Variants in UVRAG observed in about 807,000 individuals in gnomAD.
The protein encoded by UVRAG is UV radiation resistance associated, also known as UV radiation resistance-associated gene protein.
In UVRAG, 19 loss-of-function variants were observed where a neutral mutation model predicts 78.0. The ratio of observed to expected loss-of-function variants is 0.24; its 90% CI spans 0.17 to 0.36. UVRAG has a LOEUF of 0.36. UVRAG is among the 10% of genes least tolerant of loss of function. The pLI is 1.00. For synonymous variants in UVRAG, 323 were observed against 324.6 expected (o/e 1.00, Z 0.05); for missense variants, 740 against 853.8 (o/e 0.87, Z 1.66).
intron 13 of UVRAG, among the ~76,000 whole-genome samples, chr11:76,106,604 G>T (rs528935291): frequency 5.3e-5 from 8 of 152,200 alleles, no homozygotes; most frequent in Non-Finnish European, 1.2e-4. Context: ...CTGACCTTAG[G>T]TGATCCACCT....
chr11:75,982,641 C>T (rs550089544), intron 7 of UVRAG, among the ~76,000 whole-genome samples: 8 of 152,256 alleles, frequency 5.3e-5, no homozygotes. Context: ...GCTTGGCCTT[C>T]TTTGAAACGG....
At chr11:75,975,993 GGCTGTGGGTTTGTC>G (rs1949230221) in intron 7 of UVRAG, among the ~76,000 whole-genome samples, 1 of 152,136 alleles carries the variant, frequency 6.6e-6, no homozygotes, top group African/African-American at 2.4e-5. Flanking sequence ...GTATGATATT[GGCTGTGGGTTTGTC>G]ATAAATAGCT....
At chr11:76,019,500 G>T (rs897466643) in intron 12 of UVRAG, among the ~76,000 whole-genome samples, 2 of 152,202 alleles carry the variant, frequency 1.3e-5, no homozygotes, top group African/African-American at 4.8e-5. Flanking sequence ...AGGCTTTCCA[G>T]GTTTTTGAAA....
Position 76,123,191 on chromosome 11 carries a change from TC to T in UVRAG, c.1397+7178del, listed in dbSNP as rs751550312. Among the ~76,000 whole-genome samples, 4 of 152,218 alleles carry T rather than the reference TC, an allele frequency of 2.6e-5. No homozygotes were observed. The South Asian group carries it at 8.3e-4, about 32-fold the overall frequency. On this transcript the variant is annotated intron_variant, in intron 14 of 14. Transcript: ENST00000356136. ...ACCTCTATTCTAGTGCCTCCTACCT[TC>T]CTCAGGGAAACCCACCAGAGTCAAA...
At chr11:76,065,824 A>G (rs779785577) in intron 13 of UVRAG, 36 bp downstream of exon 13, 3 of 1,590,664 alleles carry the variant, frequency 1.9e-6, no homozygotes, top group East Asian at 2.2e-5. Context: ...CCTACTTCCC[A>G]TGCACAGCCT....
At chr11:76,051,645 G>A (rs1248022009) in intron 12 of UVRAG, among the ~76,000 whole-genome samples, 1 of 151,898 alleles carries the variant, frequency 6.6e-6, no homozygotes, top group Non-Finnish European at 1.5e-5. Flanking sequence ...TCTTTTTTTA[G>A]TATAGCTCTG....
At chr11:75,983,646 G>A in intron 8 of UVRAG, 133 bp downstream of exon 8, 1 of 1,213,276 alleles carries the variant, frequency 8.2e-7, no homozygotes, top group Non-Finnish European at 1.1e-6. Flanking sequence ...GATATATTCT[G>A]GAAATGCATC....
intron 4 of UVRAG, 68 bp from the exon 5 acceptor site, chr11:75,888,761 A>G: frequency 7.4e-7 from 1 of 1,348,294 alleles, no homozygotes; most frequent in South Asian, 1.3e-5. Context: ...TGTAACTGTC[A>G]TTCTCTGGTT....
intron 1 of UVRAG, among the ~76,000 whole-genome samples, chr11:75,817,888 A>C (rs903888123): frequency 6.8e-6 from 1 of 146,716 alleles, no homozygotes; most frequent in Non-Finnish European, 1.5e-5. Context: ...TACTAAAAGT[A>C]CAAAAAAAAG....
At chr11:75,883,260 T>C (rs889622748) in intron 4 of UVRAG, among the ~76,000 whole-genome samples, 2 of 151,710 alleles carry the variant, frequency 1.3e-5, no homozygotes, top group Non-Finnish European at 2.9e-5. Flanking sequence ...CCTTCGGTGG[T>C]GGTCTTGTTG....
chr11:75,899,687 C>T (rs369647491), intron 5 of UVRAG, among the ~76,000 whole-genome samples: 4 of 152,216 alleles, frequency 2.6e-5, no homozygotes, highest in East Asian at 1.9e-4. Flanking sequence ...TTCACATTAA[C>T]CAGCACAAAG....
Position 75,898,691 on chromosome 11 carries a change from T to G in UVRAG, c.507+9788T>G, listed in dbSNP as rs1947410626. Among the ~76,000 whole-genome samples, 3 of 152,214 alleles carry G rather than the reference T, an allele frequency of 2.0e-5. No homozygotes were observed. In the South Asian group the frequency reaches 6.2e-4, roughly 32 times the overall value. On this transcript the variant is annotated intron_variant, in intron 5 of 14. Transcript: ENST00000356136. ...TAATTTTTGTTTGAGGTTTCTTCCATCATTTAATTTCACTGTGATTATATA... is the reference window on the plus strand; with the variant it reads ...TAATTTTTGTTTGAGGTTTCTTCCAGCATTTAATTTCACTGTGATTATATA...
At chr11:75,837,928 G>C (rs1267541504) in intron 1 of UVRAG, among the ~76,000 whole-genome samples, 1 of 152,132 alleles carries the variant, frequency 6.6e-6, no homozygotes, top group Non-Finnish European at 1.5e-5. Context: ...AAGCAGGAGG[G>C]TTGCTTGAGC....
In UVRAG at chr11:76,065,792, A is replaced by G. The variant is rs1384140947; in HGVS notation, c.1305+4A>G. On this transcript the variant is annotated splice_donor_region_variant and intron_variant, in intron 13 of 14. Coordinates refer to ENST00000356136, the MANE Select transcript of UVRAG (RefSeq NM_003369.4). ...TCTGAACAAAAATATAGCACAGGTAAGTCTCTGTTCTTCACTTCTCTCCTA... is the reference window on the plus strand; with the variant it reads ...TCTGAACAAAAATATAGCACAGGTAGGTCTCTGTTCTTCACTTCTCTCCTA... 1.9e-6 allele frequency: 3 copies of G among 1,613,126 alleles called. No homozygotes were observed. The highest frequency in any genetic ancestry group is 2.5e-6 in the Non-Finnish European group (3 of 1,179,396).
chr11:75,847,841 T>C (rs185622983), intron 1 of UVRAG, among the ~76,000 whole-genome samples: 56 of 151,662 alleles, frequency 3.7e-4, no homozygotes, highest in African/African-American at 1.4e-3. Context: ...TGTGGTGGTA[T>C]GCGCCTACAG....
At chr11:75,914,168 T>C (rs1347835572) in intron 6 of UVRAG, 1 of 152,202 alleles carries the variant, frequency 6.6e-6, no homozygotes, top group Non-Finnish European at 1.5e-5. Context: ...TCTCAGACAT[T>C]AGTAAAGAGT....
chr11:75,892,104 T>C (rs1206050240), intron 5 of UVRAG, among the ~76,000 whole-genome samples: 1 of 152,112 alleles, frequency 6.6e-6, no homozygotes, highest in Non-Finnish European at 1.5e-5. Context: ...ACAAAACAAG[T>C]GAAACCAAGG....
intron 12 of UVRAG, among the ~76,000 whole-genome samples, chr11:76,025,864 G>A (rs1419567921): frequency 6.6e-6 from 1 of 152,080 alleles, no homozygotes; most frequent in Non-Finnish European, 1.5e-5. Flanking sequence ...TATGTATAAA[G>A]AGGTTGGCCA....
chr11:76,017,877 A>G (rs1392822649), intron 12 of UVRAG, among the ~76,000 whole-genome samples: 1 of 152,200 alleles, frequency 6.6e-6, no homozygotes, highest in Non-Finnish European at 1.5e-5. Context: ...GCAGTAAAGG[A>G]AATACTAAAG....
Sources: allele counts gnomAD v4.1 joint callset (sites outside exome capture counted in the v4.1 genomes callset), GRCh38; gene constraint gnomAD v4.1.1; transcripts MANE v1.5; gene names NCBI Gene and HGNC (gene_info 2026-07-23, HGNC 2026-07-21).